Variants in SLC43A2 observed in about 807,000 individuals in gnomAD.
The protein encoded by SLC43A2 is solute carrier family 43 member 2.
SLC43A2 carries 38 observed loss-of-function variants against 63.2 expected under a neutral mutation model. That is an observed-to-expected ratio of 0.60 (90% CI 0.46 to 0.79). The LOEUF is 0.79. Ranked by LOEUF, SLC43A2 falls within the 30% of genes least tolerant of loss-of-function variation. The probability of loss-of-function intolerance (pLI) is 0.00; values close to 1 mark genes in which losing one functional copy is unlikely to be tolerated. For missense variants in SLC43A2, 644 were observed against 756.2 expected, an observed-to-expected ratio of 0.85 and a Z score of 1.74; for synonymous variants, 322 against 331.0, an observed-to-expected ratio of 0.97 and a Z score of 0.30.
intron 11 of SLC43A2, among the ~76,000 whole-genome samples, chr17:1,582,850 G>A (rs901567516): frequency 7.2e-5 from 11 of 152,304 alleles, no homozygotes; most frequent in Non-Finnish European, 8.8e-5. Context: ...AGGCCAAGGC[G>A]GGTGGATCGC....
chr17:1,588,971 C>T (rs570695023), intron 9 of SLC43A2, among the ~76,000 whole-genome samples: 19 of 152,344 alleles, frequency 1.2e-4, no homozygotes, highest in African/African-American at 4.6e-4. Context: ...TCCTGCGGAG[C>T]CGCAAAGCTC....
At chr17:1,612,763 G>C (rs557207654) in intron 5 of SLC43A2, among the ~76,000 whole-genome samples, 9 of 152,342 alleles carry the variant, frequency 5.9e-5, no homozygotes, top group African/African-American at 1.9e-4. Context: ...CCTGAGGTCA[G>C]GAGTTTGAGA....
At chr17:1,591,733 G>GGGGGGGT in intron 6 of SLC43A2, 34 bp from the exon 7 acceptor site, 2 of 598,516 alleles carry the variant, frequency 3.3e-6, no homozygotes, top group Non-Finnish European at 5.9e-6. Context: ...GTGGGGGGGG[G>GGGGGGGT]AGGGGGCAGA....
In SLC43A2 at chr17:1,593,382, G is replaced by T; in HGVS notation, c.502-103C>A. 9.8e-7 allele frequency: 1 copy of T among 1,024,952 alleles called. No individual in the cohort carries two copies. The highest frequency in any genetic ancestry group is 1.5e-6 in the Non-Finnish European group (1 of 671,894). 63.5% of individuals were successfully genotyped at this position (1,024,952 alleles called of 1,614,324 possible). A position where few individuals can be genotyped will look rare whatever the true frequency, so the allele number is the denominator to read the frequency against. On this transcript the variant is annotated intron_variant, in intron 5 of 13. Coordinates refer to ENST00000301335, the MANE Select transcript of SLC43A2 (RefSeq NM_152346.3). The surrounding 1 kb of genome is among the most constrained non-coding windows in gnomAD (Gnocchi z 5.3). ...GCCCCATGAGGCCCCTTCTTCACCTGCGCCCCTTCCTGTGTGACTCACAGG... is the reference window on the plus strand; with the variant it reads ...GCCCCATGAGGCCCCTTCTTCACCTTCGCCCCTTCCTGTGTGACTCACAGG...
chr17:1,573,176 CAA>C lies in SLC43A2; in HGVS notation c.*2426_*2427del, dbSNP rs35157880. Reference sequence around the variant, plus strand: ...TGGATGGCAGAGCAAGACCCCAACTCAAAAAAAAAAAAAAAAAAAAAAAGGCG... The same window carrying C: ...TGGATGGCAGAGCAAGACCCCAACTCAAAAAAAAAAAAAAAAAAAAAGGCG... On this transcript the variant is annotated 3_prime_UTR_variant, in exon 14 of 14. Transcript: ENST00000301335. 19 of 69,286 alleles carry C rather than the reference CAA, an allele frequency of 2.7e-4. No homozygotes were observed. The highest frequency in any genetic ancestry group is 5.7e-4 in the East Asian group (1 of 1,746). 4.3% of individuals were successfully genotyped at this position (69,286 alleles called of 1,614,324 possible). A position where few individuals can be genotyped will look rare whatever the true frequency, so the allele number is the denominator to read the frequency against.
At chr17:1,615,077 T>G in intron 3 of SLC43A2, 43 bp from the exon 4 acceptor site, 1 of 1,608,872 alleles carries the variant, frequency 6.2e-7, no homozygotes, top group Non-Finnish European at 8.5e-7. Context: ...CATTATGACT[T>G]TATTCAGTGT....
At chr17:1,576,035 CTGGCCCTCGGAGGTG>C (rs1567605047) in intron 13 of SLC43A2, among the ~76,000 whole-genome samples, 1 of 149,488 alleles carries the variant, frequency 6.7e-6, no homozygotes, top group Non-Finnish European at 1.5e-5. Flanking sequence ...GTGAGGAAAT[CTGGCCCTCGGAGGTG>C]GGGCGGGGAC....
chr17:1,626,782 G>A (rs539562572), intron 2 of SLC43A2, among the ~76,000 whole-genome samples: 3 of 152,332 alleles, frequency 2.0e-5, no homozygotes, highest in African/African-American at 7.2e-5. Flanking sequence ...CAGGGATTAT[G>A]TGAGCTCAGC....
At position 1,574,308 on chromosome 17, in the gene SLC43A2, C is replaced by G. The variant is rs888310182; in HGVS notation, c.*1296G>C. ...GAAGAGCAGCTGGGCACGGCTGGAGCTGGTCGGTGGCAGAGAATCTTGTCC... is the reference window on the plus strand; with the variant it reads ...GAAGAGCAGCTGGGCACGGCTGGAGGTGGTCGGTGGCAGAGAATCTTGTCC... On this transcript the variant is annotated 3_prime_UTR_variant, in exon 14 of 14. Coordinates refer to ENST00000301335, the MANE Select transcript of SLC43A2 (RefSeq NM_152346.3). 7 of 152,518 alleles carry G rather than the reference C, an allele frequency of 4.6e-5. No individual in the cohort carries two copies. The highest frequency in any genetic ancestry group is 1.7e-4 in the African/African-American group (7 of 41,436). 9.4% of individuals were successfully genotyped at this position (152,518 alleles called of 1,614,324 possible).
chr17:1,591,080 C>T (rs1467715107), intron 8 of SLC43A2, 132 bp from the exon 9 acceptor site: 6 of 1,260,440 alleles, frequency 4.8e-6, no homozygotes, highest in South Asian at 4.3e-5. Context: ...ACGGGGTTGG[C>T]GCTGCGGTGG....
intron 6 of SLC43A2, among the ~76,000 whole-genome samples, chr17:1,592,013 G>A (rs1360257751): frequency 2.0e-5 from 3 of 152,236 alleles, no homozygotes; most frequent in Non-Finnish European, 4.4e-5. Context: ...CAGAGGGGAC[G>A]GTGCTCCTGG....
intron 5 of SLC43A2, 120 bp downstream of exon 5, chr17:1,613,075 G>A (rs913697381): frequency 1.1e-6 from 1 of 900,716 alleles, no homozygotes; most frequent in Non-Finnish European, 1.8e-6. Flanking sequence ...CCCCTCTACT[G>A]TTTGGGACAC....
chr17:1,612,741 G>A (rs993757856), intron 5 of SLC43A2, among the ~76,000 whole-genome samples: 21 of 152,358 alleles, frequency 1.4e-4, no homozygotes, highest in African/African-American at 5.0e-4. Flanking sequence ...GGAGGCCAAG[G>A]CGGGTGGATC....
chr17:1,584,053 A>G (rs537636403), intron 10 of SLC43A2, among the ~76,000 whole-genome samples: 4 of 151,114 alleles, frequency 2.6e-5, no homozygotes, highest in South Asian at 2.1e-4. Context: ...GCGCCACCTT[A>G]CCCGGCTAAT....
chr17:1,589,081 A>G (rs1322466862), intron 9 of SLC43A2, among the ~76,000 whole-genome samples: 1 of 152,220 alleles, frequency 6.6e-6, no homozygotes, highest in Non-Finnish European at 1.5e-5. Flanking sequence ...AGGAGGGGGA[A>G]AACCAGTGCC....
chr17:1,585,006 CA>C (rs1192908752), intron 10 of SLC43A2, among the ~76,000 whole-genome samples: 1 of 152,002 alleles, frequency 6.6e-6, no homozygotes, highest in Non-Finnish European at 1.5e-5. Flanking sequence ...ACCTTGCAGG[CA>C]GATAACAAAG....
At chr17:1,596,284 A>C (rs1250793086) in intron 5 of SLC43A2, among the ~76,000 whole-genome samples, 1 of 151,650 alleles carries the variant, frequency 6.6e-6, no homozygotes, top group Non-Finnish European at 1.5e-5. Flanking sequence ...GATCCACTGC[A>C]CTCTAGCCTG....
Position 1,605,227 on chromosome 17 carries a change from C to T in SLC43A2, c.501+7968G>A, listed in dbSNP as rs944318835. 3.6e-6 allele frequency: 4 copies of T among 1,099,882 alleles called. No homozygotes were observed. Among genetic ancestry groups the T allele is most frequent in the African/African-American group, 1.7e-5 (1 of 60,440 alleles). The allele number at this position is 1,099,882 out of a possible 1,614,324, so 68.1% of individuals were successfully genotyped here. ...GCAGCCTCAGTCACACAGGGAAGCCCGTGACTCTCTCTCTTTCAGCCCCCT... is the reference window on the plus strand; with the variant it reads ...GCAGCCTCAGTCACACAGGGAAGCCTGTGACTCTCTCTCTTTCAGCCCCCT... On this transcript the variant is annotated intron_variant, in intron 5 of 13. Coordinates refer to ENST00000301335, the MANE Select transcript of SLC43A2 (RefSeq NM_152346.3). This position sits in a 1 kb window ranked among gnomAD's most constrained non-coding sequence, Gnocchi z 4.9.
At position 1,574,253 on chromosome 17, in the gene SLC43A2, C is replaced by T. The variant is rs906748768; in HGVS notation, c.*1351G>A. On this transcript the variant is annotated 3_prime_UTR_variant, in exon 14 of 14. Coordinates refer to ENST00000301335, the MANE Select transcript of SLC43A2 (RefSeq NM_152346.3). ...GAAGGTCTTTTCCTGGCCCACTGTC[C>T]CTCCCGAGTCAGCAGTCCCCCAGAG... 12 of 152,444 alleles carry T rather than the reference C, an allele frequency of 7.9e-5. No homozygotes were observed. Among genetic ancestry groups the T allele is most frequent in the African/African-American group, 2.9e-4 (12 of 41,390 alleles). The allele number at this position is 152,444 out of a possible 1,614,324, so 9.4% of individuals were successfully genotyped here.
Sources: allele counts gnomAD v4.1 joint callset (sites outside exome capture counted in the v4.1 genomes callset), GRCh38; gene constraint gnomAD v4.1.1; non-coding constraint Gnocchi (gnomAD v3.1); transcripts MANE v1.5; gene names NCBI Gene and HGNC (gene_info 2026-07-23, HGNC 2026-07-21).